DAB2IP: variants seen among roughly 807,000 people sequenced by gnomAD.
The protein encoded by DAB2IP is DAB2 interacting protein, also known as disabled homolog 2-interacting protein.
A neutral mutation model predicts 107.2 loss-of-function variants in DAB2IP; 28 were observed. That is an observed-to-expected ratio of 0.26 (90% CI 0.19 to 0.36). The LOEUF (loss-of-function observed/expected upper bound fraction) is 0.36. Among genes scored for constraint, DAB2IP ranks in the 10% least tolerant of loss-of-function variants. The pLI, the probability that DAB2IP is intolerant of heterozygous loss-of-function variation, is 1.00. For missense variants in DAB2IP, 1,400 were observed against 1,644.7 expected, an observed-to-expected ratio of 0.85 and a Z score of 2.57; for synonymous variants, 755 against 706.4, an observed-to-expected ratio of 1.07 and a Z score of -1.09.
At chr9:121,714,915 G>C (rs532585263) in intron 3 of DAB2IP, among the ~76,000 whole-genome samples, 1 of 152,382 alleles carries the variant, frequency 6.6e-6, no homozygotes, top group East Asian at 1.9e-4. Flanking sequence ...GGGTCTTATA[G>C]GAGGGGCTGC....
At chr9:121,694,117 C>T (rs1829297889) in intron 2 of DAB2IP, among the ~76,000 whole-genome samples, 2 of 152,138 alleles carry the variant, frequency 1.3e-5, no homozygotes, top group Admixed American at 6.5e-5. Context: ...TCTTCCCTCC[C>T]GCCTTGGCTT....
chr9:121,603,675 C>T lies in DAB2IP; in HGVS notation c.40+36447C>T, dbSNP rs150714739. Among the ~76,000 whole-genome samples the T allele has an allele frequency of 3.3e-3, 497 of 152,280 alleles. 2 individuals carry two copies. The highest frequency in any genetic ancestry group is 0.011 in the African/African-American group (471 of 41,546). ...CCTGGAAGCTTGAAGACCTGGGCCA[C>T]GATCAGGCTGTGTGATCTTGGGCAG... is the stretch of plus-strand genomic sequence containing the variant. On this transcript the variant is annotated intron_variant, in intron 1 of 16. Coordinates refer to the DAB2IP transcript ENST00000259371.
intron 1 of DAB2IP, among the ~76,000 whole-genome samples, chr9:121,602,820 C>G (rs1830734137): frequency 6.6e-6 from 1 of 152,322 alleles, no homozygotes; most frequent in South Asian, 2.1e-4. Context: ...CGTGATCCGC[C>G]CACCTCGGCC....
Position 121,635,514 on chromosome 9 carries a change from G to A in DAB2IP, c.41-43164G>A, listed in dbSNP as rs959746844. ...GTGCTTAGCCCCGTGCAGGGCCTGG[G>A]CATGGAAACGGAGTGAAGGAGGCAC... On this transcript the variant is annotated intron_variant, in intron 1 of 16. Coordinates refer to the DAB2IP transcript ENST00000259371. The surrounding 1 kb of genome is among the most constrained non-coding windows in gnomAD (Gnocchi z 4.3). Among the ~76,000 whole-genome samples the A allele has an allele frequency of 6.6e-6, 1 of 151,676 alleles. No individual in the cohort carries two copies. The highest frequency in any genetic ancestry group is 1.5e-5 in the Non-Finnish European group (1 of 67,918).
intron 3 of DAB2IP, among the ~76,000 whole-genome samples, chr9:121,742,587 A>G (rs774785091): frequency 6.6e-6 from 1 of 152,160 alleles, no homozygotes; most frequent in Admixed American, 6.5e-5. Flanking sequence ...CTATTCCAGT[A>G]ACTAGGCAGG....
intron 1 of DAB2IP, among the ~76,000 whole-genome samples, chr9:121,675,230 A>C (rs879734180): frequency 4.6e-5 from 7 of 152,102 alleles, no homozygotes; most frequent in Non-Finnish European, 1.0e-4. Context: ...AGCTCAAAGG[A>C]TGACAGTTCC....
chr9:121,642,029 C>CTTTCTTTCTTTCCTTCTTTCTT (rs879760304), intron 1 of DAB2IP, among the ~76,000 whole-genome samples: 2 of 26,720 alleles, frequency 7.5e-5, no homozygotes, highest in Non-Finnish European at 1.5e-4. Flanking sequence ...CTCTCTCTCT[C>CTTTCTTTCTTTCCTTCTTTCTT]TCTTTCTTTC....
intron 1 of DAB2IP, among the ~76,000 whole-genome samples, chr9:121,617,350 G>A (rs939498801): frequency 2.6e-5 from 4 of 152,058 alleles, no homozygotes; most frequent in Non-Finnish European, 5.9e-5. Flanking sequence ...AAAAGGGTGA[G>A]GGGAGTAGCG....
intron 1 of DAB2IP, among the ~76,000 whole-genome samples, chr9:121,641,925 CTTTCTTTCTT>C (rs1307827802): frequency 1.5e-5 from 2 of 136,330 alleles, no homozygotes; most frequent in African/African-American, 5.6e-5. Flanking sequence ...TTCTTTCTTT[CTTTCTTTCTT>C]TCTCTCTTTC....
chr9:121,715,037 T>C (rs1331879497), intron 3 of DAB2IP, among the ~76,000 whole-genome samples: 2 of 152,242 alleles, frequency 1.3e-5, no homozygotes, highest in Non-Finnish European at 2.9e-5. Flanking sequence ...CCAGAGGTCA[T>C]AGAACCCTTA....
intron 3 of DAB2IP, among the ~76,000 whole-genome samples, chr9:121,744,033 C>T (rs913309577): frequency 6.6e-6 from 1 of 152,190 alleles, no homozygotes; most frequent in Non-Finnish European, 1.5e-5. Context: ...GGCGCGGTGT[C>T]CCCTGTGGTG....
chr9:121,760,033 T>G lies in DAB2IP; in HGVS notation c.764T>G (p.Phe255Cys). The G allele has an allele frequency of 6.2e-7, 1 of 1,614,104 alleles. No homozygotes were observed. The highest frequency in any genetic ancestry group is 8.5e-7 in the Non-Finnish European group (1 of 1,180,042). ...GGCAAGCTCAAGACGGACAATGTTTTCTGGGGCGAGCACTTCGAGTTCCAC... is the reference window on the plus strand; with the variant it reads ...GGCAAGCTCAAGACGGACAATGTTTGCTGGGGCGAGCACTTCGAGTTCCAC... Residue 255 changes from phenylalanine to cysteine, a missense_variant, in exon 6 of 16, where the codon TTC (phenylalanine) becomes TGC (cysteine). Phe to Cys is a radical substitution (Grantham distance 205, BLOSUM62 -2). Around this residue, in one of 3 missense-constraint regions of DAB2IP, gnomAD observed 517 missense variants for 748.6 expected, o/e 0.69. Transcript: ENST00000408936. The surrounding 1 kb of genome is among the most constrained non-coding windows in gnomAD (Gnocchi z 5.9).
At chr9:121,692,252 G>C (rs974082229) in intron 2 of DAB2IP, among the ~76,000 whole-genome samples, 1 of 152,164 alleles carries the variant, frequency 6.6e-6, no homozygotes, top group Non-Finnish European at 1.5e-5. Context: ...ATGTTAGCTT[G>C]TATGTTTCAT....
chr9:121,679,337 C>A (rs1828449828), intron 2 of DAB2IP, among the ~76,000 whole-genome samples: 1 of 151,234 alleles, frequency 6.6e-6, no homozygotes, highest in African/African-American at 2.4e-5. Context: ...AAATTACAAA[C>A]CTAAACAACT....
chr9:121,683,967 A>G (rs1828729624), intron 2 of DAB2IP, among the ~76,000 whole-genome samples: 1 of 152,084 alleles, frequency 6.6e-6, no homozygotes, highest in African/African-American at 2.4e-5. Context: ...GGTGAGCTAA[A>G]GCCTTTGGAC....
At chr9:121,689,238 G>A (rs1351376758) in intron 2 of DAB2IP, among the ~76,000 whole-genome samples, 2 of 151,430 alleles carry the variant, frequency 1.3e-5, no homozygotes, top group Non-Finnish European at 2.9e-5. Context: ...AGGTTGCAGC[G>A]AGCTGAGATC....
chr9:121,683,945 G>C (rs1299763819), intron 2 of DAB2IP, among the ~76,000 whole-genome samples: 1 of 152,044 alleles, frequency 6.6e-6, no homozygotes, highest in Non-Finnish European at 1.5e-5. Flanking sequence ...AGAAGAGTGA[G>C]AGACCTTGGT....
At chr9:121,781,371 C>T (rs1246004689) in intron 14 of DAB2IP, 93 bp from the exon 15 acceptor site, 1 of 1,250,076 alleles carries the variant, frequency 8.0e-7, no homozygotes, top group Non-Finnish European at 1.2e-6. Flanking sequence ...TAGTGTGTCC[C>T]TGCTGTGTGC....
At position 121,755,361 on chromosome 9, in the gene DAB2IP, C is replaced by T. The variant is rs115887314; in HGVS notation, c.363-1652C>T. Among the ~76,000 whole-genome samples, 783 of 152,300 alleles carry T rather than the reference C, an allele frequency of 5.1e-3. 7 individuals carry two copies. The highest frequency in any genetic ancestry group is 0.018 in the African/African-American group (741 of 41,562). On this transcript the variant is annotated intron_variant, in intron 3 of 15. Transcript: ENST00000408936. ...GCTTGTCCATGGGCTTAGGCCACAA[C>T]GGGAAGCCCCAGGTGGGAGTCCTTG...
Sources: allele counts gnomAD v4.1 joint callset (sites outside exome capture counted in the v4.1 genomes callset), GRCh38; gene constraint gnomAD v4.1.1; regional missense constraint gnomAD v4.1.1; non-coding constraint Gnocchi (gnomAD v3.1); transcripts MANE v1.5; gene names NCBI Gene and HGNC (gene_info 2026-07-23, HGNC 2026-07-21).